The following HRH2 variants were observed in gnomAD, a reference collection of about 807,000 sequenced individuals.
HRH2 encodes the protein histamine H2 receptor.
A neutral mutation model predicts 20.1 loss-of-function variants in HRH2; 4 were observed. That is an observed-to-expected ratio of 0.20 (90% CI 0.10 to 0.45). The LOEUF is 0.45. Ranked by LOEUF, HRH2 falls within the 20% of genes least tolerant of loss-of-function variation. The pLI, the probability that HRH2 is intolerant of heterozygous loss-of-function variation, is 0.99. For synonymous variants in HRH2, 197 were observed against 200.7 expected (o/e 0.98, Z 0.16); for missense variants, 250 against 461.6 (o/e 0.54, Z 4.20).
At position 175,677,573 on chromosome 5, in the gene HRH2, T is replaced by C. The variant is rs901033840; in HGVS notation, c.-525-5136T>C. Among the ~76,000 whole-genome samples the C allele has an allele frequency of 3.3e-5, 5 of 152,130 alleles. No homozygotes were observed. The highest frequency in any genetic ancestry group is 1.2e-4 in the African/African-American group (5 of 41,418). ...GAGAGGCTTGTCTTCCTTGCAACAC[T>C]AAAATAACTCCCTGCTTCCTTGCAA... On this transcript the variant is annotated intron_variant, in intron 1 of 2. Transcript: ENST00000636584. The surrounding 1 kb of genome is among the most constrained non-coding windows in gnomAD (Gnocchi z 4.2).
chr5:175,672,211 CG>C (rs752875505), intron 1 of HRH2, among the ~76,000 whole-genome samples: 109 of 152,314 alleles, frequency 7.2e-4, no homozygotes, highest in South Asian at 2.1e-3. Flanking sequence ...ACTCAGGATC[CG>C]GATTCCCAGC....
At chr5:175,695,659 T>C (rs1313338017) in intron 2 of HRH2, among the ~76,000 whole-genome samples, 1 of 152,210 alleles carries the variant, frequency 6.6e-6, no homozygotes, top group East Asian at 1.9e-4. Flanking sequence ...GCCTCCCTGC[T>C]GCCAGCGACA....
At chr5:175,673,732 C>T (rs1427779598) in intron 1 of HRH2, among the ~76,000 whole-genome samples, 2 of 141,724 alleles carry the variant, frequency 1.4e-5, no homozygotes, top group African/African-American at 5.3e-5. Context: ...TTGACGGAGT[C>T]TCGCTGTATC....
rs1396006537 is a variant in HRH2, at chr5:175,681,509, G to A, written c.-525-1200G>A. Among the ~76,000 whole-genome samples the A allele has an allele frequency of 6.6e-6, 1 of 152,226 alleles. No homozygotes were observed. Among genetic ancestry groups the A allele is most frequent in the Non-Finnish European group, 1.5e-5 (1 of 68,042 alleles). On this transcript the variant is annotated intron_variant, in intron 1 of 2. Transcript: ENST00000636584. The surrounding 1 kb of genome is among the most constrained non-coding windows in gnomAD (Gnocchi z 4.3). ...AAACCAGGAGGAGCTGGTAGGGAAG[G>A]ACTGGGGCGTGGAACAGGGCCTCAG...
chr5:175,662,884 A>G (rs1762780016), intron 1 of HRH2, among the ~76,000 whole-genome samples: 1 of 152,172 alleles, frequency 6.6e-6, no homozygotes, highest in African/African-American at 2.4e-5. Context: ...CCCTCGCTAT[A>G]GGTTTGCCTA....
intron 1 of HRH2, among the ~76,000 whole-genome samples, chr5:175,663,997 G>A (rs185645886): frequency 1.4e-4 from 21 of 152,294 alleles, no homozygotes; most frequent in East Asian, 1.2e-3. Flanking sequence ...AGGAGGGTGC[G>A]GGCCTGGCGC....
rs1308965107 is a variant in HRH2, at chr5:175,677,006, CTT to C, written c.-525-5698_-525-5697del. On this transcript the variant is annotated intron_variant, in intron 1 of 2. Coordinates refer to ENST00000636584, the MANE Select transcript of HRH2 (RefSeq NM_001367711.1). The surrounding 1 kb of genome is among the most constrained non-coding windows in gnomAD (Gnocchi z 4.2). The stretch of plus-strand genomic sequence containing the variant: ...TTCCTTTTCTTTTCTTTCTCTCTTT[CTT>C]TTTTGAGGCAGGTTCTCACTCAGTT... Among the ~76,000 whole-genome samples the C allele has an allele frequency of 6.6e-6, 1 of 151,836 alleles. No individual in the cohort carries two copies. Among genetic ancestry groups the C allele is most frequent in the Non-Finnish European group, 1.5e-5 (1 of 67,970 alleles).
intron 1 of HRH2, among the ~76,000 whole-genome samples, chr5:175,678,001 C>A (rs529244224): frequency 1.3e-5 from 2 of 152,352 alleles, no homozygotes; most frequent in South Asian, 4.1e-4. Context: ...CCATGTTCAC[C>A]CAGTTACCTT....
At position 175,686,396 on chromosome 5, in the gene HRH2, GCAT is replaced by G. The variant is rs1756174516; in HGVS notation, c.1076+2089_1076+2091del. Among the ~76,000 whole-genome samples the G allele has an allele frequency of 6.6e-6, 1 of 152,192 alleles. No individual in the cohort carries two copies. The highest frequency in any genetic ancestry group is 6.5e-5 in the Admixed American group (1 of 15,284). On this transcript the variant is annotated intron_variant, in intron 2 of 2. Transcript: ENST00000636584. This position sits in a 1 kb window ranked among gnomAD's most constrained non-coding sequence, Gnocchi z 4.7. Reference sequence around the variant, plus strand: ...AACAACAATAGCTAACATTCATTGAGCATCCACTACTGGCCCGTTTCAGATGTC... The same window carrying G: ...AACAACAATAGCTAACATTCATTGAGCCACTACTGGCCCGTTTCAGATGTC...
At position 175,677,640 on chromosome 5, in the gene HRH2, G is replaced by A. The variant is rs1212002681; in HGVS notation, c.-525-5069G>A. Among the ~76,000 whole-genome samples, 1 of 152,200 alleles carries A rather than the reference G, an allele frequency of 6.6e-6. No homozygotes were observed. The highest frequency in any genetic ancestry group is 6.5e-5 in the Admixed American group (1 of 15,290). ...CCCAGCCCATTTTGGGCTGCTCCTT[G>A]GGTGCTGATGCTGGGGCCACTTCCT... On this transcript the variant is annotated intron_variant, in intron 1 of 2. Coordinates refer to ENST00000636584, the MANE Select transcript of HRH2 (RefSeq NM_001367711.1). This position sits in a 1 kb window ranked among gnomAD's most constrained non-coding sequence, Gnocchi z 4.2.
intron 1 of HRH2, among the ~76,000 whole-genome samples, chr5:175,669,755 C>T (rs1326765358): frequency 6.6e-6 from 1 of 152,240 alleles, no homozygotes; most frequent in Non-Finnish European, 1.5e-5. Flanking sequence ...AATTCCTTAA[C>T]ATAACCTAAC....
intron 1 of HRH2, among the ~76,000 whole-genome samples, chr5:175,665,897 A>AT (rs1762873639): frequency 6.6e-6 from 1 of 151,852 alleles, no homozygotes; most frequent in Non-Finnish European, 1.5e-5. Flanking sequence ...ACCACAAGAT[A>AT]TTTTTGGGAA....
chr5:175,667,953 G>C (rs1762958016), intron 1 of HRH2, among the ~76,000 whole-genome samples: 1 of 152,200 alleles, frequency 6.6e-6, no homozygotes, highest in African/African-American at 2.4e-5. Flanking sequence ...GGGGATGCAA[G>C]ACGATTGGCA....
At chr5:175,672,636 A>G (rs925623830) in intron 1 of HRH2, among the ~76,000 whole-genome samples, 2 of 152,244 alleles carry the variant, frequency 1.3e-5, no homozygotes, top group Non-Finnish European at 2.9e-5. Context: ...CGTTTAGCCA[A>G]CTGAGTGTTA....
At chr5:175,685,627 C>G (rs944246048) in intron 2 of HRH2, 2 of 692,818 alleles carry the variant, frequency 2.9e-6, no homozygotes, top group African/African-American at 3.6e-5. Context: ...CGTCACTCAA[C>G]TTGTATCTTG....
At chr5:175,667,095 C>T (rs868120453) in intron 1 of HRH2, among the ~76,000 whole-genome samples, 14 of 152,028 alleles carry the variant, frequency 9.2e-5, no homozygotes, top group Admixed American at 2.6e-4. Context: ...TTGTACCTTA[C>T]GTGTTGTTTT....
Position 175,693,566 on chromosome 5 carries a change from G to A in HRH2, c.1076+9257G>A, listed in dbSNP as rs368645309. On this transcript the variant is annotated intron_variant, in intron 2 of 2. Coordinates refer to ENST00000636584, the MANE Select transcript of HRH2 (RefSeq NM_001367711.1). This position sits in a 1 kb window ranked among gnomAD's most constrained non-coding sequence, Gnocchi z 4.4. ...AGGGTGGGTGGACTGGCTGTCCCCA[G>A]TGCCCAGAGGATTCAAGGAACTTCT... Among the ~76,000 whole-genome samples, 1 of 152,198 alleles carries A rather than the reference G, an allele frequency of 6.6e-6. No individual in the cohort carries two copies. The highest frequency in any genetic ancestry group is 1.5e-5 in the Non-Finnish European group (1 of 68,042).
intron 1 of HRH2, among the ~76,000 whole-genome samples, chr5:175,680,486 C>T (rs114116562): frequency 0.015 from 2,355 of 152,294 alleles, 30 homozygotes; most frequent in Non-Finnish European, 0.025. Context: ...TTCTGTACAC[C>T]TCAGGGATAT....
At chr5:175,704,404 C>T (rs9784749) in intron 2 of HRH2, among the ~76,000 whole-genome samples, 3 of 151,628 alleles carry the variant, frequency 2.0e-5, no homozygotes, top group South Asian at 2.1e-4. Flanking sequence ...TTATATCAAT[C>T]GAAGCAGAAA....
Sources: gnomAD v4.1 joint callset for allele counts (sites outside exome capture counted in the v4.1 genomes callset) on GRCh38, gnomAD v4.1.1 for gene constraint, Gnocchi (gnomAD v3.1) non-coding constraint, MANE v1.5 for transcripts, NCBI Gene and HGNC (gene_info 2026-07-23, HGNC 2026-07-21) for gene names.